TRIM37: variants seen among roughly 807,000 people sequenced by gnomAD.
The protein encoded by TRIM37 is tripartite motif containing 37.
In TRIM37, 80 loss-of-function variants were observed where a neutral mutation model predicts 129.8. The observed-to-expected ratio is 0.62, with a 90% CI of 0.51 to 0.74. The LOEUF (loss-of-function observed/expected upper bound fraction) is 0.74, where lower values mean the gene tolerates loss of function less well. Ranked by LOEUF, TRIM37 falls within the 30% of genes least tolerant of loss-of-function variation. TRIM37 has a pLI of 0.00. For synonymous variants in TRIM37, 389 were observed against 387.1 expected, an observed-to-expected ratio of 1.00 and a Z score of -0.06; for missense variants, 1,054 against 1,176.5, an observed-to-expected ratio of 0.90 and a Z score of 1.52.
At chr17:58,985,171 TA>T (rs2031682391) in intron 24 of TRIM37, 1 of 152,666 alleles carries the variant, frequency 6.6e-6, no homozygotes, top group Non-Finnish European at 1.5e-5. Flanking sequence ...CCTGGCAATT[TA>T]AAAACCACTA....
chr17:59,065,884 T>A (rs1232079051), intron 9 of TRIM37, among the ~76,000 whole-genome samples: 1 of 152,226 alleles, frequency 6.6e-6, no homozygotes, highest in East Asian at 1.9e-4. Context: ...TATAGCTAAA[T>A]AGGTCACGTC....
chr17:59,028,851 C>T (rs971131748), intron 18 of TRIM37, 128 bp from the exon 19 acceptor site: 11 of 873,454 alleles, frequency 1.3e-5, no homozygotes, highest in Non-Finnish European at 2.0e-5. Context: ...AACAATAAAA[C>T]ATGCACTAAA....
chr17:59,000,980 G>A (rs2033653048), intron 23 of TRIM37, among the ~76,000 whole-genome samples: 2 of 152,050 alleles, frequency 1.3e-5, no homozygotes, highest in Non-Finnish European at 2.9e-5. Flanking sequence ...GGATCACGAG[G>A]TCAAGAGTTC....
intron 21 of TRIM37, among the ~76,000 whole-genome samples, chr17:59,015,109 A>G (rs1342211871): frequency 6.0e-5 from 1 of 16,742 alleles, no homozygotes; most frequent in Non-Finnish European, 9.8e-5. Flanking sequence ...CATCCCATTA[A>G]AAAAAAAAAA....
chr17:58,978,192 G>A (rs1202811200), downstream of TRIM37, among the ~76,000 whole-genome samples: 2 of 152,186 alleles, frequency 1.3e-5, no homozygotes, highest in Non-Finnish European at 2.9e-5. Flanking sequence ...AGTTGTGTAG[G>A]TGACAAGTAG....
intron 23 of TRIM37, among the ~76,000 whole-genome samples, chr17:59,000,591 ACT>A (rs1190933062): frequency 6.6e-6 from 1 of 152,096 alleles, no homozygotes; most frequent in Middle Eastern, 3.2e-3. Flanking sequence ...ACAGAGCAAG[ACT>A]CTGTCTAAAA....
At chr17:59,017,814 G>A (rs1348425780) in intron 19 of TRIM37, among the ~76,000 whole-genome samples, 3 of 151,874 alleles carry the variant, frequency 2.0e-5, no homozygotes, top group East Asian at 1.9e-4. Context: ...TAGTAGAGAC[G>A]GGGTTTTGTC....
chr17:59,010,397 G>C (rs2035103220), intron 22 of TRIM37, among the ~76,000 whole-genome samples: 1 of 152,152 alleles, frequency 6.6e-6, no homozygotes, highest in Non-Finnish European at 1.5e-5. Context: ...GAGAAAGTCT[G>C]AACTAGATAG....
At chr17:59,069,399 A>G (rs1308339463) in intron 9 of TRIM37, among the ~76,000 whole-genome samples, 2 of 152,152 alleles carry the variant, frequency 1.3e-5, no homozygotes, top group Admixed American at 1.3e-4. Context: ...AAATAGTACA[A>G]TGAATGCTCT....
intron 1 of TRIM37, among the ~76,000 whole-genome samples, chr17:59,105,866 C>G (rs1377497293): frequency 6.6e-6 from 1 of 151,924 alleles, no homozygotes; most frequent in Non-Finnish European, 1.5e-5. Flanking sequence ...AATAAACAAT[C>G]TTTTAAAATA....
At chr17:59,060,544 C>T (rs542473158) in intron 12 of TRIM37, among the ~76,000 whole-genome samples, 4 of 152,250 alleles carry the variant, frequency 2.6e-5, no homozygotes, top group Admixed American at 2.0e-4. Context: ...AGAAGATCCA[C>T]AATTATCTAA....
chr17:59,101,819 C>T (rs1359761377), intron 2 of TRIM37, among the ~76,000 whole-genome samples: 2 of 149,900 alleles, frequency 1.3e-5, no homozygotes, highest in Admixed American at 6.7e-5. Context: ...TGCGCTGATA[C>T]TCCCAGCAAC....
chr17:59,026,505 C>A (rs1598977992), intron 19 of TRIM37, among the ~76,000 whole-genome samples: 1 of 152,256 alleles, frequency 6.6e-6, no homozygotes, highest in Non-Finnish European at 1.5e-5. Context: ...ATCTGCAAAT[C>A]ATATATGTGA....
At chr17:59,072,530 C>T (rs1030972170) in intron 8 of TRIM37, among the ~76,000 whole-genome samples, 2 of 151,880 alleles carry the variant, frequency 1.3e-5, no homozygotes, top group African/African-American at 2.4e-5. Flanking sequence ...GAGTTCAAGA[C>T]CTCATGACCT....
In TRIM37 at chr17:58,999,067, G is replaced by C. The variant is rs992296115; in HGVS notation, c.*310C>G. Reference sequence around the variant, plus strand: ...GGGCCTGGAGGTACATTTTCTGGCAGTTAACCAGCCTTCTGCTGTAGTAGA... The same window carrying C: ...GGGCCTGGAGGTACATTTTCTGGCACTTAACCAGCCTTCTGCTGTAGTAGA... On this transcript the variant is annotated 3_prime_UTR_variant, in exon 24 of 24. Transcript: ENST00000262294. The C allele has an allele frequency of 3.4e-6, 4 of 1,182,618 alleles. No homozygotes were observed. Among genetic ancestry groups the C allele is most frequent in the African/African-American group, 3.2e-5 (2 of 62,446 alleles). The allele number at this position is 1,182,618 out of a possible 1,614,324, so 73.3% of individuals were successfully genotyped here.
chr17:58,982,278 C>A (rs1206095011), downstream of TRIM37: 1 of 152,388 alleles, frequency 6.6e-6, no homozygotes, highest in African/African-American at 2.4e-5. Flanking sequence ...TTTGCTATTT[C>A]TGCAGTTTCA....
chr17:59,099,424 G>C (rs942990222), intron 2 of TRIM37, among the ~76,000 whole-genome samples: 8 of 150,792 alleles, frequency 5.3e-5, no homozygotes, highest in African/African-American at 1.7e-4. Flanking sequence ...CAGACTTTCT[G>C]TTTGGGGTGA....
At chr17:59,090,584 G>A (rs2044203753) in intron 3 of TRIM37, among the ~76,000 whole-genome samples, 1 of 151,888 alleles carries the variant, frequency 6.6e-6, no homozygotes. Flanking sequence ...TCTACCATCT[G>A]GATTTTTTTG....
At chr17:59,011,269 A>T (rs2035226660) in intron 22 of TRIM37, among the ~76,000 whole-genome samples, 1 of 152,256 alleles carries the variant, frequency 6.6e-6, no homozygotes, top group Admixed American at 6.5e-5. Context: ...TTTAACAATA[A>T]ACACATCATT....
Sources: gnomAD v4.1 joint callset for allele counts (sites outside exome capture counted in the v4.1 genomes callset) on GRCh38, gnomAD v4.1.1 for gene constraint, MANE v1.5 for transcripts, NCBI Gene and HGNC (gene_info 2026-07-23, HGNC 2026-07-21) for gene names.